Variants in PLCL1 observed in about 807,000 individuals in gnomAD.
PLCL1 encodes the protein inactive phospholipase C-like protein 1.
A neutral mutation model predicts 84.4 loss-of-function variants in PLCL1; 41 were observed. The observed-to-expected ratio is 0.49, with a 90% CI of 0.38 to 0.63. The LOEUF (loss-of-function observed/expected upper bound fraction) is 0.63, where lower values mean the gene tolerates loss of function less well. Ranked by LOEUF, PLCL1 falls within the 30% of genes least tolerant of loss-of-function variation. The pLI is 0.00. For synonymous variants in PLCL1, 490 were observed against 488.3 expected (o/e 1.00, Z -0.05); for missense variants, 1,206 against 1,367.8 (o/e 0.88, Z 1.87).
rs575570411 is a variant in PLCL1 at position 198,088,992 on chromosome 2, C to G, written c.2850C>G (p.Ser950Arg). 1 of 1,613,948 alleles carries G rather than the reference C, an allele frequency of 6.2e-7. No individual in the cohort carries two copies. The highest frequency in any genetic ancestry group is 1.1e-5 in the South Asian group (1 of 91,084). ...CAGTCTCACTTGTGATGAAAGACAG[C>G]TTTCCTTACCTGGAGCCTCTGGGTG... ...TPSVSLVMKDSFPYLEPLGAI... is the reference protein window; with the variant it reads ...TPSVSLVMKDRFPYLEPLGAI... Residue 950 changes from serine (S) to arginine (R), a missense_variant, in exon 3 of 6, where the codon AGC (serine) becomes AGG (arginine). Ser to Arg is a moderately radical substitution (Grantham distance 110). Coordinates refer to ENST00000428675, the MANE Select transcript of PLCL1 (RefSeq NM_006226.4).
At chr2:197,853,262 C>A (rs1452207796) in intron 1 of PLCL1, among the ~76,000 whole-genome samples, 1 of 152,098 alleles carries the variant, frequency 6.6e-6, no homozygotes, top group East Asian at 1.9e-4. Flanking sequence ...TTTATCCATT[C>A]GTCTAATGAT....
chr2:198,001,187 C>A (rs1333456127), intron 1 of PLCL1, among the ~76,000 whole-genome samples: 1 of 152,156 alleles, frequency 6.6e-6, no homozygotes, highest in Non-Finnish European at 1.5e-5. Flanking sequence ...TGACACTGTG[C>A]AACCTATTTA....
At chr2:198,038,532 T>C (rs1343115977) in intron 1 of PLCL1, among the ~76,000 whole-genome samples, 2 of 152,152 alleles carry the variant, frequency 1.3e-5, no homozygotes, top group Non-Finnish European at 2.9e-5. Context: ...TAATAAATAA[T>C]ATTTGATTTC....
intron 1 of PLCL1, among the ~76,000 whole-genome samples, chr2:197,900,201 G>A (rs1459064368): frequency 6.6e-6 from 1 of 152,216 alleles, no homozygotes; most frequent in Non-Finnish European, 1.5e-5. Flanking sequence ...TTAGAAGAGT[G>A]AGTACATATA....
At chr2:197,888,255 C>CT (rs937450764) in intron 1 of PLCL1, among the ~76,000 whole-genome samples, 19 of 151,676 alleles carry the variant, frequency 1.3e-4, no homozygotes, top group East Asian at 1.9e-4. Context: ...TTTTTCTTTT[C>CT]TTTTTTTTAA....
chr2:197,979,280 G>C (rs79818012), intron 1 of PLCL1, among the ~76,000 whole-genome samples: 3,441 of 152,254 alleles, frequency 0.023, 127 homozygotes, highest in African/African-American at 0.079. Context: ...TTGATATGAG[G>C]TTGTTTTTGT....
intron 1 of PLCL1, among the ~76,000 whole-genome samples, chr2:197,871,191 G>T (rs1229429994): frequency 6.6e-6 from 1 of 152,048 alleles, no homozygotes; most frequent in Non-Finnish European, 1.5e-5. Context: ...CTCCTGAAGA[G>T]TTAGCTGAGG....
At chr2:197,868,293 T>C (rs1687584995) in intron 1 of PLCL1, among the ~76,000 whole-genome samples, 1 of 152,188 alleles carries the variant, frequency 6.6e-6, no homozygotes, top group East Asian at 1.9e-4. Flanking sequence ...GGTAGATTAC[T>C]GCAGTGTCTT....
chr2:197,831,546 C>T (rs1006493714), intron 1 of PLCL1, among the ~76,000 whole-genome samples: 1 of 152,176 alleles, frequency 6.6e-6, no homozygotes, highest in African/African-American at 2.4e-5. Flanking sequence ...TACACAGAGA[C>T]TTAGACTCCC....
At chr2:198,057,788 C>T (rs1025276898) in intron 1 of PLCL1, among the ~76,000 whole-genome samples, 2 of 152,198 alleles carry the variant, frequency 1.3e-5, no homozygotes, top group Admixed American at 6.5e-5. Flanking sequence ...AATAGTGCTA[C>T]TCTTATTAAC....
intron 5 of PLCL1, among the ~76,000 whole-genome samples, chr2:198,109,596 A>G (rs1280331765): frequency 4.0e-5 from 6 of 151,886 alleles, no homozygotes; most frequent in Non-Finnish European, 8.8e-5. Context: ...AGTTCTGAAG[A>G]TCTCTTGGGA....
intron 1 of PLCL1, among the ~76,000 whole-genome samples, chr2:197,928,760 A>T (rs1377684277): frequency 6.6e-6 from 1 of 152,224 alleles, no homozygotes; most frequent in African/African-American, 2.4e-5. Flanking sequence ...AAACTCAGTC[A>T]TAAACATGAT....
intron 1 of PLCL1, among the ~76,000 whole-genome samples, chr2:197,860,239 G>A (rs1188671257): frequency 6.6e-6 from 1 of 151,898 alleles, no homozygotes; most frequent in African/African-American, 2.4e-5. Context: ...AGTATTTCTT[G>A]GTGGATATGT....
At chr2:198,104,021 A>G (rs1693410349) in intron 5 of PLCL1, 85 bp downstream of exon 5, 2 of 617,212 alleles carry the variant, frequency 3.2e-6, no homozygotes, top group Admixed American at 3.6e-5. Flanking sequence ...AAAGGATTAA[A>G]TATGATGGTT....
intron 1 of PLCL1, among the ~76,000 whole-genome samples, chr2:197,912,472 C>T (rs1420258225): frequency 2.0e-5 from 3 of 152,000 alleles, no homozygotes; most frequent in Non-Finnish European, 4.4e-5. Context: ...ATAAATCTTG[C>T]TGCTATAAAG....
intron 5 of PLCL1, among the ~76,000 whole-genome samples, chr2:198,133,206 A>G (rs1694167773): frequency 6.6e-6 from 1 of 152,002 alleles, no homozygotes; most frequent in South Asian, 2.1e-4. Flanking sequence ...ATAAAAAATG[A>G]TGAGTTCATA....
chr2:198,003,433 C>T (rs1690652839), intron 1 of PLCL1, among the ~76,000 whole-genome samples: 2 of 152,122 alleles, frequency 1.3e-5, no homozygotes, highest in South Asian at 2.1e-4. Context: ...GCATGAAAAC[C>T]ATCCTTGGAC....
chr2:197,869,960 A>G (rs942896349), intron 1 of PLCL1, among the ~76,000 whole-genome samples: 3 of 151,924 alleles, frequency 2.0e-5, no homozygotes, highest in Admixed American at 6.6e-5. Flanking sequence ...TTTTTTTTCC[A>G]TAAGTGTTAT....
At chr2:197,998,852 C>T (rs879329483) in intron 1 of PLCL1, among the ~76,000 whole-genome samples, 4 of 152,190 alleles carry the variant, frequency 2.6e-5, no homozygotes, top group Non-Finnish European at 4.4e-5. Context: ...ACAGACAACA[C>T]ACTCAACGAA....
Sources: allele counts gnomAD v4.1 joint callset (sites outside exome capture counted in the v4.1 genomes callset), GRCh38; gene constraint gnomAD v4.1.1; transcripts MANE v1.5; gene names NCBI Gene and HGNC (gene_info 2026-07-23, HGNC 2026-07-21).